The following AK5 variants were observed in gnomAD, a reference collection of about 807,000 sequenced individuals.
AK5 encodes adenylate kinase isoenzyme 5.
Under a neutral mutation model 69.5 loss-of-function variants are expected in AK5, and 27 were observed. The observed-to-expected ratio is 0.39, with a 90% CI of 0.29 to 0.54. The LOEUF (loss-of-function observed/expected upper bound fraction) is 0.54, where lower values mean the gene tolerates loss of function less well. Ranked by LOEUF, AK5 falls within the 20% of genes least tolerant of loss-of-function variation. The pLI is 0.71. For synonymous variants in AK5, 260 were observed against 244.4 expected, an observed-to-expected ratio of 1.06 and a Z score of -0.60; for missense variants, 531 against 700.4, an observed-to-expected ratio of 0.76 and a Z score of 2.73.
chr1:77,314,483 AT>A (rs1660134672), intron 5 of AK5: 2 of 152,572 alleles, frequency 1.3e-5, no homozygotes, highest in Non-Finnish European at 2.9e-5. Context: ...TAAAGATATT[AT>A]TTTTTGTACT....
intron 6 of AK5, among the ~76,000 whole-genome samples, chr1:77,354,994 C>A (rs962854556): frequency 2.0e-5 from 3 of 152,208 alleles, no homozygotes; most frequent in Admixed American, 6.5e-5. Flanking sequence ...TGAATACAGA[C>A]ATCACGATCA....
chr1:77,284,711 T>G (rs1658251666), intron 1 of AK5, among the ~76,000 whole-genome samples: 1 of 152,222 alleles, frequency 6.6e-6, no homozygotes, highest in African/African-American at 2.4e-5. Flanking sequence ...GTCAGATTAT[T>G]CAAGGTCTCA....
At chr1:77,341,875 G>A (rs1661672595) in intron 6 of AK5, among the ~76,000 whole-genome samples, 1 of 151,934 alleles carries the variant, frequency 6.6e-6, no homozygotes, top group South Asian at 2.1e-4. Flanking sequence ...TGTTTTGTTG[G>A]GGTTATTGTT....
intron 3 of AK5, among the ~76,000 whole-genome samples, chr1:77,294,714 G>A (rs1658887504): frequency 6.6e-6 from 1 of 151,990 alleles, no homozygotes; most frequent in African/African-American, 2.4e-5. Flanking sequence ...GTTAAATATG[G>A]AATTATCGGC....
chr1:77,532,453 T>C (rs1425459078), intron 12 of AK5: 2 of 152,206 alleles, frequency 1.3e-5, no homozygotes, highest in South Asian at 2.1e-4. Context: ...AGGCGTTGGC[T>C]CTCTCCATCA....
chr1:77,424,709 T>C (rs946680560), intron 8 of AK5, among the ~76,000 whole-genome samples: 6 of 152,034 alleles, frequency 3.9e-5, no homozygotes, highest in Non-Finnish European at 8.8e-5. Flanking sequence ...CAATAGAAAC[T>C]TTCAAGGCTG....
chr1:77,358,143 C>T (rs933618494), intron 6 of AK5, among the ~76,000 whole-genome samples: 2 of 151,558 alleles, frequency 1.3e-5, no homozygotes, highest in Non-Finnish European at 2.9e-5. Context: ...ATTCTGAAGC[C>T]CAGAAATAAC....
chr1:77,432,053 C>T (rs992100743), intron 8 of AK5, among the ~76,000 whole-genome samples: 1 of 152,140 alleles, frequency 6.6e-6, no homozygotes, highest in South Asian at 2.1e-4. Context: ...GCGTGAGAAT[C>T]CTCCCTTTAT....
intron 3 of AK5, 93 bp downstream of exon 3, chr1:77,294,053 T>A: frequency 1.7e-6 from 2 of 1,153,616 alleles, no homozygotes; most frequent in South Asian, 3.1e-5. Context: ...GTGCAAATAG[T>A]TGGATAATGA....
intron 13 of AK5, among the ~76,000 whole-genome samples, chr1:77,548,527 A>C (rs1408950578): frequency 1.3e-5 from 2 of 152,218 alleles, no homozygotes; most frequent in Non-Finnish European, 2.9e-5. Context: ...AGGTGCTGGC[A>C]CACAGACCGT....
intron 5 of AK5, among the ~76,000 whole-genome samples, chr1:77,316,490 G>A (rs898184527): frequency 5.3e-5 from 8 of 151,960 alleles, no homozygotes; most frequent in African/African-American, 1.7e-4. Context: ...TTTAAAAAAC[G>A]TTAGAGATAA....
chr1:77,460,155 C>T (rs1018958844), intron 8 of AK5, among the ~76,000 whole-genome samples: 2 of 152,254 alleles, frequency 1.3e-5, no homozygotes, highest in Admixed American at 1.3e-4. Flanking sequence ...TATTTTAAAA[C>T]ACAAGACTGT....
At chr1:77,470,873 A>T (rs1488042754) in intron 8 of AK5, among the ~76,000 whole-genome samples, 45,147 of 60,384 alleles carry the variant, frequency 0.75, 15,201 homozygotes, top group South Asian at 0.8. Flanking sequence ...ATATATATAT[A>T]TATTTTTTTT....
chr1:77,557,316 GTTTCTC>G (rs1660155537), intron 13 of AK5: 1 of 211,124 alleles, frequency 4.7e-6, no homozygotes, highest in Non-Finnish European at 1.0e-5. Flanking sequence ...AGAAGCTCTG[GTTTCTC>G]TTTAAGAGGT....
intron 7 of AK5, among the ~76,000 whole-genome samples, chr1:77,411,830 T>C (rs1172143492): frequency 6.6e-6 from 1 of 151,868 alleles, no homozygotes; most frequent in Admixed American, 6.6e-5. Flanking sequence ...CACCTAAGAG[T>C]AGCTTCAAAG....
intron 5 of AK5, among the ~76,000 whole-genome samples, chr1:77,298,509 TA>T (rs201283437): frequency 1.3e-5 from 2 of 151,460 alleles, no homozygotes; most frequent in Non-Finnish European, 2.9e-5. Flanking sequence ...GATTTTTCAT[TA>T]AAAAAAATTA....
chr1:77,518,903 T>TA (rs1265878336), intron 11 of AK5, among the ~76,000 whole-genome samples, 176 bp downstream of exon 11: 1 of 152,196 alleles, frequency 6.6e-6, no homozygotes, highest in African/African-American at 2.4e-5. Flanking sequence ...ACAGACCTTC[T>TA]ACTCAACCAG....
At chr1:77,530,311 T>C (rs975957184) in intron 12 of AK5, among the ~76,000 whole-genome samples, 2 of 152,224 alleles carry the variant, frequency 1.3e-5, no homozygotes, top group African/African-American at 4.8e-5. Context: ...GTAGTATTAC[T>C]ATCATTAGGG....
At chr1:77,306,764 G>A (rs1179861278) in intron 5 of AK5, among the ~76,000 whole-genome samples, 2 of 151,906 alleles carry the variant, frequency 1.3e-5, no homozygotes, top group African/African-American at 4.8e-5. Context: ...TTTTATTGCA[G>A]TTTTGATCTT....
Sources: allele counts gnomAD v4.1 joint callset (sites outside exome capture counted in the v4.1 genomes callset), GRCh38; gene constraint gnomAD v4.1.1; transcripts MANE v1.5; gene names NCBI Gene and HGNC (gene_info 2026-07-23, HGNC 2026-07-21).